The following PEX5L variants were observed in gnomAD, a reference collection of about 807,000 sequenced individuals.
PEX5L encodes the protein peroxisomal biogenesis factor 5 like.
PEX5L carries 30 observed loss-of-function variants against 84.0 expected under a neutral mutation model. The ratio of observed to expected loss-of-function variants is 0.36; its 90% CI spans 0.27 to 0.48. The LOEUF is 0.48. Ranked by LOEUF, PEX5L falls within the 20% of genes least tolerant of loss-of-function variation. The probability of loss-of-function intolerance (pLI) is 0.99; values close to 1 mark genes in which losing one functional copy is unlikely to be tolerated. For synonymous variants in PEX5L, 270 were observed against 283.1 expected, an observed-to-expected ratio of 0.95 and a Z score of 0.46; for missense variants, 533 against 754.6, an observed-to-expected ratio of 0.71 and a Z score of 3.44.
chr3:179,811,129 A>G (rs1208517915), intron 11 of PEX5L, among the ~76,000 whole-genome samples: 1 of 152,168 alleles, frequency 6.6e-6, no homozygotes, highest in Non-Finnish European at 1.5e-5. Context: ...GAATTCTTAC[A>G]ATCTGATATT....
In PEX5L at chr3:179,902,360, G is replaced by A. The variant is rs563226914; in HGVS notation, c.94-4114C>T. Among the ~76,000 whole-genome samples, 23 of 152,276 alleles carry A rather than the reference G, an allele frequency of 1.5e-4. 1 individual carries two copies. The South Asian group carries it at 4.8e-3, about 32-fold the overall frequency. On this transcript the variant is annotated intron_variant, in intron 2 of 14. Transcript: ENST00000467460. ...CCCTCTCTGACTGCCATAAATGTCC[G>A]TTGTTCATGATCTCGCTCAGATTTG...
intron 7 of PEX5L, among the ~76,000 whole-genome samples, chr3:179,867,025 CAAA>C (rs61404630): frequency 7.8e-5 from 7 of 89,378 alleles, no homozygotes; most frequent in East Asian, 5.8e-4. Context: ...GACTCTGTCT[CAAA>C]AAAAAAAAAA....
intron 1 of PEX5L, among the ~76,000 whole-genome samples, chr3:180,025,623 G>A (rs1161821950): frequency 6.6e-6 from 1 of 152,128 alleles, no homozygotes; most frequent in Non-Finnish European, 1.5e-5. Context: ...AGGGAATAGT[G>A]ACGGATGAGT....
intron 1 of PEX5L, among the ~76,000 whole-genome samples, chr3:179,976,250 G>T (rs78126522): frequency 8.8e-4 from 134 of 152,264 alleles, no homozygotes; most frequent in African/African-American, 3.1e-3. Context: ...GCTGATGAGA[G>T]GTTACATAAG....
At chr3:179,845,812 T>C (rs1423240691) in intron 8 of PEX5L, among the ~76,000 whole-genome samples, 1 of 152,198 alleles carries the variant, frequency 6.6e-6, no homozygotes, top group Non-Finnish European at 1.5e-5. Context: ...AACTTTAACA[T>C]GGCCTGTGAC....
chr3:179,981,922 T>C (rs1455318701), intron 1 of PEX5L, among the ~76,000 whole-genome samples: 1 of 152,228 alleles, frequency 6.6e-6, no homozygotes, highest in Non-Finnish European at 1.5e-5. Context: ...GAACTATTTA[T>C]GCAAATCTAA....
intron 2 of PEX5L, among the ~76,000 whole-genome samples, chr3:179,904,689 T>G (rs1403412169): frequency 6.6e-6 from 1 of 152,208 alleles, no homozygotes; most frequent in Non-Finnish European, 1.5e-5. Flanking sequence ...ATAGTCCATT[T>G]TGGGGGGTTC....
chr3:179,973,334 C>T, intron 1 of PEX5L: 1 of 1,235,394 alleles, frequency 8.1e-7, no homozygotes, highest in Middle Eastern at 2.2e-4. Flanking sequence ...CCAGGAACAG[C>T]ATTAATAATG....
intron 1 of PEX5L, among the ~76,000 whole-genome samples, chr3:180,012,869 G>C (rs186572186): frequency 6.6e-6 from 1 of 151,850 alleles, no homozygotes; most frequent in Admixed American, 6.6e-5. Context: ...GGGATGCAGA[G>C]TTAATTAAAA....
intron 9 of PEX5L, among the ~76,000 whole-genome samples, chr3:179,816,577 G>A (rs1405417821): frequency 1.3e-5 from 2 of 151,996 alleles, no homozygotes; most frequent in African/African-American, 2.4e-5. Flanking sequence ...TCACACACTG[G>A]GGCCTGTTGA....
intron 1 of PEX5L, among the ~76,000 whole-genome samples, chr3:179,995,889 G>A (rs1203876342): frequency 6.6e-6 from 1 of 152,170 alleles, no homozygotes; most frequent in African/African-American, 2.4e-5. Flanking sequence ...ACTTGGAATG[G>A]GGACGTGTGG....
chr3:179,942,574 CT>C (rs1429951534), intron 2 of PEX5L, among the ~76,000 whole-genome samples: 11 of 152,372 alleles, frequency 7.2e-5, no homozygotes, highest in Middle Eastern at 3.4e-3. Flanking sequence ...CTCCCTCCCA[CT>C]GCACCCGGAT....
chr3:179,829,449 T>C (rs771326585), intron 8 of PEX5L, among the ~76,000 whole-genome samples: 3 of 152,214 alleles, frequency 2.0e-5, no homozygotes, highest in Non-Finnish European at 4.4e-5. Context: ...CAGTACTTAA[T>C]GGTGGTGTGA....
intron 7 of PEX5L, among the ~76,000 whole-genome samples, chr3:179,869,537 A>G (rs147391337): frequency 3.3e-5 from 5 of 152,292 alleles, no homozygotes; most frequent in Non-Finnish European, 5.9e-5. Context: ...TGGTACCCCA[A>G]AACATGGCAC....
intron 4 of PEX5L, among the ~76,000 whole-genome samples, chr3:179,881,921 G>A (rs976954922): frequency 2.6e-5 from 4 of 152,204 alleles, no homozygotes; most frequent in Non-Finnish European, 5.9e-5. Flanking sequence ...GTACTTGAAC[G>A]TGGAGGGAAA....
intron 8 of PEX5L, among the ~76,000 whole-genome samples, chr3:179,832,707 C>A (rs1004245569): frequency 3.9e-5 from 6 of 151,934 alleles, no homozygotes; most frequent in African/African-American, 1.5e-4. Flanking sequence ...TACCCACCAA[C>A]CTTCCTACTT....
At chr3:180,000,742 A>C (rs1788324436) in intron 1 of PEX5L, among the ~76,000 whole-genome samples, 1 of 152,218 alleles carries the variant, frequency 6.6e-6, no homozygotes, top group Admixed American at 6.5e-5. Context: ...TATTGATTTC[A>C]TACCAGCATT....
intron 3 of PEX5L, among the ~76,000 whole-genome samples, chr3:179,889,101 A>C (rs1474559565): frequency 6.6e-6 from 1 of 152,062 alleles, no homozygotes. Flanking sequence ...TTAAGAACTT[A>C]TTTGTTAAGT....
chr3:179,964,729 C>T (rs761564339), intron 2 of PEX5L, among the ~76,000 whole-genome samples: 2 of 152,158 alleles, frequency 1.3e-5, no homozygotes, highest in Non-Finnish European at 2.9e-5. Flanking sequence ...TAGAGAAATG[C>T]ATACCCAAAC....
Sources: gnomAD v4.1 joint callset for allele counts (sites outside exome capture counted in the v4.1 genomes callset) on GRCh38, gnomAD v4.1.1 for gene constraint, MANE v1.5 for transcripts, NCBI Gene and HGNC (gene_info 2026-07-23, HGNC 2026-07-21) for gene names.